WIPF1: variants seen among roughly 807,000 people sequenced by gnomAD.
The protein encoded by WIPF1 is WAS/WASL interacting protein family member 1.
Under a neutral mutation model 35.4 loss-of-function variants are expected in WIPF1, and 13 were observed. That is an observed-to-expected ratio of 0.37 (90% CI 0.24 to 0.58). The LOEUF is 0.58. Ranked by LOEUF, WIPF1 falls within the 20% of genes least tolerant of loss-of-function variation. The probability of loss-of-function intolerance (pLI) is 0.74; values close to 1 mark genes in which losing one functional copy is unlikely to be tolerated. For synonymous variants in WIPF1, 267 were observed against 266.3 expected, an observed-to-expected ratio of 1.00 and a Z score of -0.02; for missense variants, 591 against 667.0, an observed-to-expected ratio of 0.89 and a Z score of 1.25.
upstream of WIPF1, among the ~76,000 whole-genome samples, chr2:174,599,793 C>CTCTCTCTCTCTCTCTCTAGCTA (rs1491266511): frequency 1.6e-3 from 5 of 3,134 alleles, no homozygotes; most frequent in Non-Finnish European, 3.0e-3. Flanking sequence ...CACACACACA[C>CTCTCTCTCTCTCTCTCTAGCTA]TCTCTCTCTC....
intron 1 of WIPF1, among the ~76,000 whole-genome samples, chr2:174,618,964 G>A (rs1574839787): frequency 3.3e-5 from 5 of 151,678 alleles, no homozygotes; most frequent in East Asian, 1.9e-4. Flanking sequence ...ACACACACAC[G>A]CACACAGAGT....
At chr2:174,682,172 G>A (rs1208706714) in intron 1 of WIPF1, among the ~76,000 whole-genome samples, 1 of 152,236 alleles carries the variant, frequency 6.6e-6, no homozygotes, top group Admixed American at 6.5e-5. Context: ...ACCGGGACTG[G>A]AGATGTCTCT....
intron 1 of WIPF1, among the ~76,000 whole-genome samples, chr2:174,658,509 G>C (rs1292745835): frequency 6.6e-6 from 1 of 152,186 alleles, no homozygotes. Context: ...GCCTTAGGGA[G>C]AAGGGAAACA....
In WIPF1 at chr2:174,575,268, T is replaced by C. The variant is rs1268847008; in HGVS notation, c.294A>G (p.Pro98=). The C allele has an allele frequency of 1.2e-6, 2 of 1,613,804 alleles. No individual in the cohort carries two copies. The highest frequency in any genetic ancestry group is 1.3e-5 in the African/African-American group (1 of 74,892). Residue 98 remains proline, a synonymous_variant, in exon 4 of 8, where the codon CCA becomes CCG. Transcript: ENST00000679041. The stretch of plus-strand genomic sequence containing the variant: ...CAGCCTGGAACAATCCTCCCAGACC[T>C]GGAGGTCCGCCCCCTCCAAAACTTC... ...GGGSFGGGGP[P]GLGGLFQAGM...
intron 1 of WIPF1, among the ~76,000 whole-genome samples, chr2:174,667,905 ATG>A (rs1687926634): frequency 6.6e-6 from 1 of 152,084 alleles, no homozygotes; most frequent in African/African-American, 2.4e-5. Context: ...CACCCCCAAA[ATG>A]ACTTGAGCCA....
rs372499836 is a variant in WIPF1 at position 174,667,741 on chromosome 2, CG to C, written c.-39+15032del. On this transcript the variant is annotated intron_variant, in intron 1 of 8. Coordinates refer to the WIPF1 transcript ENST00000272746. ...GCCTAGCAAGAGCCCTGCAGCTTGCCGGCCTCCAGGCTGAGGCTAGGCTGCC... is the reference window on the plus strand; with the variant it reads ...GCCTAGCAAGAGCCCTGCAGCTTGCCGCCTCCAGGCTGAGGCTAGGCTGCC... 4.9e-3 allele frequency among the ~76,000 whole-genome samples: 746 copies of C among 152,286 alleles called. 8 individuals are homozygous for C. Among genetic ancestry groups the C allele is most frequent in the African/African-American group, 0.017 (694 of 41,558 alleles).
At chr2:174,587,556 C>T (rs1344953872) in intron 1 of WIPF1, 2 of 152,178 alleles carry the variant, frequency 1.3e-5, no homozygotes, top group Admixed American at 1.3e-4. Flanking sequence ...TCGGAAGAGT[C>T]CCATTCAAAG....
chr2:174,593,474 T>A (rs1047070477), intron 1 of WIPF1, among the ~76,000 whole-genome samples: 5 of 152,260 alleles, frequency 3.3e-5, no homozygotes, highest in African/African-American at 1.2e-4. Flanking sequence ...AAATTGCTGC[T>A]AAGACGGTGA....
intron 1 of WIPF1, among the ~76,000 whole-genome samples, chr2:174,650,575 T>C (rs1687514486): frequency 6.6e-6 from 1 of 152,204 alleles, no homozygotes; most frequent in Non-Finnish European, 1.5e-5. Flanking sequence ...CTTAAGACCA[T>C]CCTGACTGTT....
chr2:174,681,649 G>A (rs1191370967), intron 1 of WIPF1, among the ~76,000 whole-genome samples: 1 of 152,180 alleles, frequency 6.6e-6, no homozygotes, highest in Non-Finnish European at 1.5e-5. Flanking sequence ...GCATCCGACG[G>A]GAGTCTGGGG....
intron 3 of WIPF1, among the ~76,000 whole-genome samples, chr2:174,580,247 G>C (rs758938981): frequency 5.3e-5 from 8 of 152,120 alleles, no homozygotes; most frequent in Non-Finnish European, 1.0e-4. Context: ...CACTGCGCCC[G>C]GCCATAGTTC....
chr2:174,594,055 G>A (rs1398775664), intron 1 of WIPF1, among the ~76,000 whole-genome samples: 1 of 152,238 alleles, frequency 6.6e-6, no homozygotes, highest in African/African-American at 2.4e-5. Context: ...TGGAGCACAC[G>A]CTTGCCATAC....
intron 1 of WIPF1, among the ~76,000 whole-genome samples, chr2:174,643,194 A>G (rs1421370218): frequency 2.0e-5 from 3 of 149,214 alleles, no homozygotes; most frequent in African/African-American, 5.2e-5. Flanking sequence ...TATTTAATCA[A>G]TTTTTGTAAA....
intron 1 of WIPF1, among the ~76,000 whole-genome samples, chr2:174,632,334 T>C (rs915302340): frequency 2.0e-5 from 3 of 152,182 alleles, no homozygotes; most frequent in South Asian, 2.1e-4. Context: ...AGTGGAAAGA[T>C]GGGGAAGGGG....
intron 3 of WIPF1, among the ~76,000 whole-genome samples, chr2:174,579,657 A>C (rs1158138696): frequency 6.6e-6 from 1 of 152,226 alleles, no homozygotes; most frequent in Non-Finnish European, 1.5e-5. Context: ...CCATTAAATA[A>C]GAGAAGTGGA....
intron 1 of WIPF1, among the ~76,000 whole-genome samples, chr2:174,606,879 G>T (rs4595937): frequency 0.26 from 39,158 of 152,008 alleles, 5,306 homozygotes; most frequent in Middle Eastern, 0.39. Context: ...GAATACTGGC[G>T]ACTGAGTAAT....
At chr2:174,681,343 T>C (rs1480108315) in intron 1 of WIPF1, among the ~76,000 whole-genome samples, 4 of 152,002 alleles carry the variant, frequency 2.6e-5, no homozygotes, top group Non-Finnish European at 5.9e-5. Context: ...GATAGGCAGG[T>C]AGACACACAC....
At chr2:174,573,028 A>T (rs1684926231) in intron 4 of WIPF1, among the ~76,000 whole-genome samples, 1 of 152,234 alleles carries the variant, frequency 6.6e-6, no homozygotes, top group Non-Finnish European at 1.5e-5. Context: ...CTAAGAAAGG[A>T]AAAAGAACCA....
At chr2:174,576,830 A>C (rs1012510728) in intron 3 of WIPF1, among the ~76,000 whole-genome samples, 1 of 152,198 alleles carries the variant, frequency 6.6e-6, no homozygotes, top group Non-Finnish European at 1.5e-5. Flanking sequence ...TAAAAAAATT[A>C]TCTCTTAATT....
Sources: gnomAD v4.1 joint callset for allele counts (sites outside exome capture counted in the v4.1 genomes callset) on GRCh38, gnomAD v4.1.1 for gene constraint, MANE v1.5 for transcripts, NCBI Gene and HGNC (gene_info 2026-07-23, HGNC 2026-07-21) for gene names.